The following FUBP1 variants were observed in gnomAD, a reference collection of about 807,000 sequenced individuals.
FUBP1 encodes the protein far upstream element binding protein 1, also known as far upstream element-binding protein 1.
A neutral mutation model predicts 94.9 loss-of-function variants in FUBP1; 16 were observed. The ratio of observed to expected loss-of-function variants is 0.17; its 90% confidence interval spans 0.11 to 0.26. The LOEUF (loss-of-function observed/expected upper bound fraction) is 0.26. FUBP1 is among the 10% of genes least tolerant of loss of function. The pLI, the probability that FUBP1 is intolerant of heterozygous loss-of-function variation, is 1.00. For synonymous variants in FUBP1, 279 were observed against 254.9 expected (o/e 1.09, Z -0.90); for missense variants, 583 against 808.6 (o/e 0.72, Z 3.38).
chr1:77,956,309 A>G (rs138108716), intron 17 of FUBP1, among the ~76,000 whole-genome samples: 3 of 152,340 alleles, frequency 2.0e-5, no homozygotes, highest in Non-Finnish European at 4.4e-5. Flanking sequence ...ATAAATACAG[A>G]TACACATGTA....
intron 13 of FUBP1, among the ~76,000 whole-genome samples, 175 bp downstream of exon 13, chr1:77,963,399 C>A (rs3767024): frequency 0.29 from 44,524 of 152,058 alleles, 7,903 homozygotes; most frequent in African/African-American, 0.51. Flanking sequence ...TGCTCTTTCT[C>A]TAAATATACA....
Position 77,967,665 on chromosome 1 carries a change from A to G in FUBP1, c.252T>C (p.Ser84=), listed in dbSNP as rs1656764052. 1.3e-6 allele frequency: 2 copies of G among 1,562,388 alleles called. No homozygotes were observed. The highest frequency in any genetic ancestry group is 1.4e-5 in the African/African-American group (1 of 73,818). ...DAKKVAPQND[S]FGTQLPPMHQ... ...GCATCGGTGGTAACTGTGTTCCAAA[A>G]GCTATCAAAAAATTAAATAAAAATA... Residue 84 remains serine, a splice_region_variant and synonymous_variant, in exon 4 of 20, where the codon TCT becomes TCC. Coordinates refer to ENST00000370768, the MANE Select transcript of FUBP1 (RefSeq NM_003902.5).
In FUBP1 at chr1:77,969,996, C is replaced by A. The variant is rs2102455091; in HGVS notation, c.140G>T (p.Gly47Val). 11 of 1,577,978 alleles carry A rather than the reference C, an allele frequency of 7.0e-6. No homozygotes were observed. Among genetic ancestry groups the A allele is most frequent in the Middle Eastern group, 1.7e-4 (1 of 5,942 alleles). ...RARQIAAKIG[G>V]DAGTSLNSND... is the part of the protein sequence containing the mutation. ...TGAATTCAGTGATGTCCCTGCATCA[C>A]CTCCAATTTTTGCTGCAATCTAAAA... Residue 47 changes from glycine to valine, a missense_variant, in exon 2 of 20, where the codon GGT becomes GTT. Coordinates refer to ENST00000370768, the MANE Select transcript of FUBP1 (RefSeq NM_003902.5).
At position 77,947,760 on chromosome 1, in the gene FUBP1, AAAG is replaced by A; in HGVS notation, c.*1003_*1005del. On this transcript the variant is annotated 3_prime_UTR_variant, in exon 20 of 20. Coordinates refer to ENST00000370768, the MANE Select transcript of FUBP1 (RefSeq NM_003902.5). ...GATTGGACTTGTGCATTTACAAAACAAAGCTTATCTATACTGCATAAAGAAAAA... is the reference window on the plus strand; with the variant it reads ...GATTGGACTTGTGCATTTACAAAACACTTATCTATACTGCATAAAGAAAAA... The A allele has an allele frequency of 1.5e-6, 1 of 658,808 alleles. No individual in the cohort carries two copies. The highest frequency in any genetic ancestry group is 1.9e-5 in the South Asian group (1 of 51,372). 40.8% of individuals were successfully genotyped at this position (658,808 alleles called of 1,614,324 possible).
chr1:77,956,561 T>C lies in FUBP1; in HGVS notation c.1705+11A>G. 2 of 1,609,376 alleles carry C rather than the reference T, an allele frequency of 1.2e-6. No individual in the cohort carries two copies. Among genetic ancestry groups the C allele is most frequent in the Non-Finnish European group, 1.7e-6 (2 of 1,176,028 alleles). On this transcript the variant is annotated intron_variant, in intron 17 of 19. Transcript: ENST00000370768. ...CTTTTGGCTTTCACATACAATAAGTTCTGTAGTTACCTTGTCCATTAGTTT... is the reference window on the plus strand; with the variant it reads ...CTTTTGGCTTTCACATACAATAAGTCCTGTAGTTACCTTGTCCATTAGTTT...
chr1:77,955,144 T>C (rs929452203), intron 18 of FUBP1, 111 bp downstream of exon 18: 8 of 609,772 alleles, frequency 1.3e-5, no homozygotes, highest in Non-Finnish European at 1.5e-5. Context: ...TTTACAACTG[T>C]CTTGATATGT....
chr1:77,974,334 G>A (rs1033550867), intron 1 of FUBP1, among the ~76,000 whole-genome samples: 3 of 151,828 alleles, frequency 2.0e-5, no homozygotes, highest in African/African-American at 2.4e-5. Flanking sequence ...GGGTTTCACC[G>A]TGTTAGCCAG....
chr1:77,956,182 G>A (rs1307193856), intron 17 of FUBP1, among the ~76,000 whole-genome samples: 1 of 152,118 alleles, frequency 6.6e-6, no homozygotes, highest in East Asian at 1.9e-4. Flanking sequence ...ATGTATTTTT[G>A]AAGAAGTACC....
chr1:77,976,436 C>A (rs1341327417), intron 1 of FUBP1, among the ~76,000 whole-genome samples: 1 of 152,128 alleles, frequency 6.6e-6, no homozygotes, highest in Non-Finnish European at 1.5e-5. Flanking sequence ...TCACAATTTG[C>A]CAACAATTTC....
At chr1:77,974,044 T>C (rs1331063539) in intron 1 of FUBP1, among the ~76,000 whole-genome samples, 3 of 152,022 alleles carry the variant, frequency 2.0e-5, no homozygotes, top group Admixed American at 2.0e-4. Context: ...ATTCTAGACT[T>C]GACCTCCCAA....
At chr1:77,955,372 T>A in intron 17 of FUBP1, 43 bp from the exon 18 acceptor site, 1 of 1,264,796 alleles carries the variant, frequency 7.9e-7, no homozygotes, top group Non-Finnish European at 1.2e-6. Context: ...TTAAAGTTTT[T>A]AAAAGGCAAT....
Position 77,955,342 on chromosome 1 carries a change from A to G in FUBP1, c.1706-13T>C, listed in dbSNP as rs1460918142. 6.6e-7 allele frequency: 1 copy of G among 1,518,500 alleles called. No homozygotes were observed. The highest frequency in any genetic ancestry group is 1.1e-5 in the South Asian group (1 of 88,050). 94.1% of individuals were successfully genotyped at this position (1,518,500 alleles called of 1,614,324 possible). A position where few individuals can be genotyped will look rare whatever the true frequency, so the allele number is the denominator to read the frequency against. On this transcript the variant is annotated splice_polypyrimidine_tract_variant and intron_variant, in intron 17 of 19. Coordinates refer to ENST00000370768, the MANE Select transcript of FUBP1 (RefSeq NM_003902.5). ...TTCTGCTGATCTCCTTGTTCAAGCA[A>G]AACAAAACAAAAAACAGAATTAAAG...
At chr1:77,949,533 T>C (rs1252892847) in intron 18 of FUBP1, among the ~76,000 whole-genome samples, 1 of 152,132 alleles carries the variant, frequency 6.6e-6, no homozygotes, top group Non-Finnish European at 1.5e-5. Flanking sequence ...TCCTGTTTTA[T>C]TTAAAATATT....
intron 1 of FUBP1, among the ~76,000 whole-genome samples, chr1:77,978,164 T>A (rs1659060024): frequency 6.6e-6 from 1 of 152,262 alleles, no homozygotes. Flanking sequence ...CACGCACTAT[T>A]TTAACAGCTT....
At chr1:77,957,381 C>T (rs1481912433) in intron 16 of FUBP1, among the ~76,000 whole-genome samples, 4 of 152,166 alleles carry the variant, frequency 2.6e-5, no homozygotes, top group African/African-American at 9.7e-5. Flanking sequence ...CTCTTCAACA[C>T]CCAAGCTCCA....
chr1:77,963,681 C>T lies in FUBP1; in HGVS notation c.1076G>A (p.Arg359Gln), dbSNP rs762636934. The change falls in exon 13 of 20, where the codon CGA becomes CAA. Residue 359 changes from arginine (R) to glutamine (Q), a missense_variant. Arg to Gln is a conservative substitution (Grantham distance 43, BLOSUM62 1). Coordinates refer to ENST00000370768, the MANE Select transcript of FUBP1 (RefSeq NM_003902.5). ...GTTGCCTTGACCTCTACCTCTTCCT[C>T]GACCACCAGGTCCAGGTCCACCAGG... ...GNPGGPGPGG[R>Q]GRGRGQGNWN... 9 of 1,611,024 alleles carry T rather than the reference C, an allele frequency of 5.6e-6. No homozygotes were observed. Among genetic ancestry groups the T allele is most frequent in the East Asian group, 2.2e-5 (1 of 44,842 alleles).
intron 16 of FUBP1, among the ~76,000 whole-genome samples, chr1:77,958,904 TGTTAAGA>T (rs1477229693): frequency 4.6e-5 from 7 of 152,264 alleles, no homozygotes; most frequent in Admixed American, 3.3e-4. Context: ...AAAAATTAGT[TGTTAAGA>T]GTATTATATC....
chr1:77,948,193 T>C lies in FUBP1; in HGVS notation c.*573A>G, dbSNP rs1307494239. 4.8e-6 allele frequency: 5 copies of C among 1,047,258 alleles called. No homozygotes were observed. The South Asian group carries it at 1.4e-4, about 29-fold the overall frequency. The allele number at this position is 1,047,258 out of a possible 1,614,324, so 64.9% of individuals were successfully genotyped here. A position where few individuals can be genotyped will look rare whatever the true frequency, so the allele number is the denominator to read the frequency against. ...AACAGAAGGAAAAAAAATGAAGATATCAGGATTACTTGTGCTGAAAGAGCC... is the reference window on the plus strand; with the variant it reads ...AACAGAAGGAAAAAAAATGAAGATACCAGGATTACTTGTGCTGAAAGAGCC... On this transcript the variant is annotated 3_prime_UTR_variant, in exon 20 of 20. Transcript: ENST00000370768.
At chr1:77,973,690 C>A (rs1658030582) in intron 1 of FUBP1, among the ~76,000 whole-genome samples, 1 of 152,106 alleles carries the variant, frequency 6.6e-6, no homozygotes, top group Admixed American at 6.5e-5. Context: ...GGTGAGAAAT[C>A]CAAGAATTTG....
Sources: gnomAD v4.1 joint callset for allele counts (sites outside exome capture counted in the v4.1 genomes callset) on GRCh38, gnomAD v4.1.1 for gene constraint, MANE v1.5 for transcripts, NCBI Gene and HGNC (gene_info 2026-07-23, HGNC 2026-07-21) for gene names.